MADD: variants seen among roughly 807,000 people sequenced by gnomAD.
The protein encoded by MADD is MAP kinase activating death domain.
A neutral mutation model predicts 176.7 loss-of-function variants in MADD; 109 were observed. The observed-to-expected ratio is 0.62, with a 90% CI of 0.53 to 0.72. MADD has a LOEUF of 0.72. Among genes scored for constraint, MADD ranks in the 30% least tolerant of loss-of-function variants. The pLI, the probability that MADD is intolerant of heterozygous loss-of-function variation, is 0.00. For missense variants in MADD, 1,914 were observed against 2,045.5 expected (o/e 0.94, Z 1.24); for synonymous variants, 771 against 771.3 (o/e 1.00, Z 0.01).
intron 15 of MADD, among the ~76,000 whole-genome samples, chr11:47,288,575 C>A (rs1460047659): frequency 1.3e-5 from 2 of 152,222 alleles, no homozygotes; most frequent in African/African-American, 2.4e-5. Context: ...ACCCATCTCC[C>A]ATCCTCATAC....
At chr11:47,316,887 T>A (rs1193096396) in intron 27 of MADD, among the ~76,000 whole-genome samples, 2 of 151,342 alleles carry the variant, frequency 1.3e-5, no homozygotes, top group Non-Finnish European at 2.9e-5. Context: ...GGGATTACAG[T>A]CGCCCACCAC....
At chr11:47,306,154 A>G (rs1056049491) in intron 22 of MADD, among the ~76,000 whole-genome samples, 2 of 152,092 alleles carry the variant, frequency 1.3e-5, no homozygotes, top group Admixed American at 6.5e-5. Flanking sequence ...CATAGTGGAT[A>G]GGGTACTGCT....
intron 14 of MADD, 92 bp from the exon 15 acceptor site, chr11:47,286,341 A>G (rs574727163): frequency 1.2e-6 from 1 of 810,820 alleles, no homozygotes; most frequent in East Asian, 2.4e-5. Context: ...TGTGTTTGAA[A>G]AGGAGGGAGG....
chr11:47,289,877 C>T lies in MADD; in HGVS notation c.2767C>T (p.Gln923Ter), dbSNP rs1481068726. Reference sequence around the variant, plus strand: ...GTGTGGACCCTGTAGTGAGAACCAGCAGTTCCTGAAGGAGGTGGTGCACAG... The same window carrying T: ...GTGTGGACCCTGTAGTGAGAACCAGTAGTTCCTGAAGGAGGTGGTGCACAG... Residue 923 changes from glutamine (Q) to a stop codon, truncating the protein, a stop_gained, in exon 17 of 33, where the codon CAG (glutamine) becomes TAG (stop). Coordinates refer to ENST00000402192, the Ensembl canonical transcript of MADD. LOFTEE classifies it high-confidence loss of function. 1 of 1,613,578 alleles carries T rather than the reference C, an allele frequency of 6.2e-7. No individual in the cohort carries two copies.
At chr11:47,300,573 C>T (rs2076982983) in intron 22 of MADD, among the ~76,000 whole-genome samples, 1 of 151,922 alleles carries the variant, frequency 6.6e-6, no homozygotes. Context: ...TGTTGGCTCA[C>T]TGCAACCTCT....
chr11:47,319,426 C>CCCAG (rs1196152634), intron 27 of MADD, among the ~76,000 whole-genome samples: 1 of 152,112 alleles, frequency 6.6e-6, no homozygotes, highest in Admixed American at 6.6e-5. Flanking sequence ...AGCCACCATA[C>CCCAG]CCAGCCAAAG....
chr11:47,297,613 A>AT (rs2139539029), intron 22 of MADD, among the ~76,000 whole-genome samples: 1 of 150,574 alleles, frequency 6.6e-6, no homozygotes, highest in Admixed American at 6.6e-5. Context: ...CGCCCAGCTA[A>AT]TTTTTTGTAT....
chr11:47,271,523 G>A (rs902501073), intron 1 of MADD, among the ~76,000 whole-genome samples: 2 of 152,144 alleles, frequency 1.3e-5, no homozygotes, highest in African/African-American at 4.8e-5. Context: ...AGTGGAGAGG[G>A]ACTGAGATCC....
chr11:47,282,335 TC>T, intron 8 of MADD, 45 bp from the exon 9 acceptor site: 1 of 1,532,176 alleles, frequency 6.5e-7, no homozygotes, highest in Non-Finnish European at 9.0e-7. Context: ...ATCATGGGAA[TC>T]CTTACCCTAT....
chr11:47,284,639 G>A lies in MADD; in HGVS notation c.2157+74G>A, dbSNP rs2059358610. The A allele has an allele frequency of 3.3e-6, 5 of 1,523,092 alleles. No homozygotes were observed. In the South Asian group the frequency reaches 4.8e-5, roughly 14 times the overall value. 94.3% of individuals were successfully genotyped at this position (1,523,092 alleles called of 1,614,324 possible). On this transcript the variant is annotated intron_variant, in intron 12 of 32. Coordinates refer to ENST00000402192, the Ensembl canonical transcript of MADD. ...CCTCATCTATTAGGAAAGCCAGGCTGTAGCTATTCATTTGCTGCTTCTCAC... is the reference window on the plus strand; with the variant it reads ...CCTCATCTATTAGGAAAGCCAGGCTATAGCTATTCATTTGCTGCTTCTCAC...
intron 27 of MADD, among the ~76,000 whole-genome samples, chr11:47,316,637 C>A (rs1178960815): frequency 6.6e-6 from 1 of 151,978 alleles, no homozygotes; most frequent in Non-Finnish European, 1.5e-5. Flanking sequence ...GATCCACCCG[C>A]CTCGGCCTCC....
intron 1 of MADD, among the ~76,000 whole-genome samples, chr11:47,273,571 C>G (rs1198626403): frequency 6.6e-6 from 1 of 152,206 alleles, no homozygotes; most frequent in Non-Finnish European, 1.5e-5. Flanking sequence ...AACTCCTGAC[C>G]TCAGGTGATC....
chr11:47,295,641 G>A (rs1370251065), intron 21 of MADD, 62 bp downstream of exon 23: 2 of 1,609,660 alleles, frequency 1.2e-6, no homozygotes, highest in African/African-American at 1.3e-5. Context: ...TTGGAAAAGG[G>A]TGCTACTTTC....
exon 19 of MADD, chr11:47,290,690 G>A: frequency 6.2e-7 from 1 of 1,614,114 alleles, no homozygotes; most frequent in Non-Finnish European, 8.5e-7. Flanking sequence ...TGGGCGGGGG[G>A]ACCCAAAGGC....
intron 1 of MADD, among the ~76,000 whole-genome samples, chr11:47,273,034 T>C (rs1349735067): frequency 6.6e-6 from 1 of 152,230 alleles, no homozygotes; most frequent in Non-Finnish European, 1.5e-5. Flanking sequence ...CCAGCTGTTA[T>C]TGTCTGAGCA....
chr11:47,326,653 GT>G, intron 30 of MADD, 84 bp from the exon 35 acceptor site: 1 of 1,555,916 alleles, frequency 6.4e-7, no homozygotes, highest in East Asian at 2.3e-5. Context: ...CTTTGTGTGG[GT>G]GGGGCTGTAG....
At chr11:47,326,060 A>C (rs2095424632) in intron 30 of MADD, among the ~76,000 whole-genome samples, 1 of 152,224 alleles carries the variant, frequency 6.6e-6, no homozygotes, top group African/African-American at 2.4e-5. Flanking sequence ...GTGTGAGGAC[A>C]TGCTTGGATT....
intron 30 of MADD, among the ~76,000 whole-genome samples, chr11:47,326,336 T>G (rs1448329297): frequency 6.6e-6 from 1 of 152,202 alleles, no homozygotes; most frequent in African/African-American, 2.4e-5. Flanking sequence ...TTTGCGCCCG[T>G]GCCAGCCCTC....
intron 1 of MADD, among the ~76,000 whole-genome samples, chr11:47,273,520 T>A (rs948558859): frequency 3.3e-5 from 5 of 152,132 alleles, no homozygotes; most frequent in African/African-American, 1.2e-4. Flanking sequence ...TTTGTATTTT[T>A]AGTAGAGATG....
Sources: allele counts gnomAD v4.1 joint callset (sites outside exome capture counted in the v4.1 genomes callset), GRCh38; gene constraint gnomAD v4.1.1; transcripts MANE v1.5; gene names NCBI Gene and HGNC (gene_info 2026-07-23, HGNC 2026-07-21).